HEATR4: variants seen among roughly 807,000 people sequenced by gnomAD.
The protein encoded by HEATR4 is HEAT repeat containing 4.
A neutral mutation model predicts 108.8 loss-of-function variants in HEATR4; 95 were observed. That is an observed-to-expected ratio of 0.87 (90% CI 0.74 to 1.04). The LOEUF is 1.04. Ranked by LOEUF, HEATR4 falls within the 50% of genes least tolerant of loss-of-function variation. The probability of loss-of-function intolerance (pLI) is 0.00; values close to 1 mark genes in which losing one functional copy is unlikely to be tolerated. For synonymous variants in HEATR4, 443 were observed against 459.4 expected (o/e 0.96, Z 0.46); for missense variants, 1,152 against 1,253.8 (o/e 0.92, Z 1.23).
intron 2 of HEATR4, among the ~76,000 whole-genome samples, chr14:73,528,057 A>G (rs909600662): frequency 2.0e-5 from 3 of 152,092 alleles, no homozygotes; most frequent in African/African-American, 7.2e-5. Context: ...TTACAATGCA[A>G]ACATCCCAGA....
chr14:73,587,777 T>C, the HEATR4 span, among the ~76,000 whole-genome samples: 1 of 152,188 alleles, frequency 6.6e-6, no homozygotes, highest in South Asian at 2.1e-4. Context: ...GGACCTCCCA[T>C]TCCCACTTGA....
At chr14:73,505,890 C>CTTTT (rs139879719) in intron 10 of HEATR4, among the ~76,000 whole-genome samples, 7 of 113,320 alleles carry the variant, frequency 6.2e-5, no homozygotes, top group Non-Finnish European at 1.1e-4. Flanking sequence ...ATAAACGTTT[C>CTTTT]TTTTTTTTTT....
intron 16 of HEATR4, chr14:73,493,402 C>G (rs528284683): frequency 2.2e-5 from 8 of 371,776 alleles, no homozygotes; most frequent in African/African-American, 1.7e-4. Context: ...GTTTCCCTTT[C>G]CTAAGGCTAG....
the HEATR4 span, chr14:73,573,273 G>C: frequency 6.9e-7 from 1 of 1,456,740 alleles, no homozygotes; most frequent in African/African-American, 1.4e-5. Flanking sequence ...CTCGTGGGTA[G>C]ATACCTAGGA....
At chr14:73,525,241 C>T (rs1888254542) in intron 2 of HEATR4, among the ~76,000 whole-genome samples, 1 of 152,018 alleles carries the variant, frequency 6.6e-6, no homozygotes, top group African/African-American at 2.4e-5. Context: ...ACTATGTTGC[C>T]CAGGCTGGTC....
At chr14:73,493,189 AG>A in intron 16 of HEATR4, 65 bp from the exon 17 acceptor site, 2 of 1,346,392 alleles carry the variant, frequency 1.5e-6, no homozygotes, top group South Asian at 2.4e-5. Flanking sequence ...TGATCATTTC[AG>A]AGCACCAACT....
chr14:73,632,106 A>G, the HEATR4 span: 4 of 151,640 alleles, frequency 2.6e-5, no homozygotes, highest in Non-Finnish European at 5.9e-5. Flanking sequence ...AATCCCTAAT[A>G]AAACTCAGTG....
chr14:73,506,379 G>A (rs1050476440), intron 10 of HEATR4, 88 bp downstream of exon 10: 31 of 859,112 alleles, frequency 3.6e-5, no homozygotes, highest in Admixed American at 1.1e-4. Context: ...GGTAAGAATG[G>A]AATAATACAT....
chr14:73,509,810 C>A lies in HEATR4; in HGVS notation c.1559-337G>T, dbSNP rs868773245. 3.5e-3 allele frequency among the ~76,000 whole-genome samples: 220 copies of A among 63,178 alleles called. 20 individuals are homozygous for A. Among genetic ancestry groups the A allele is most frequent in the Non-Finnish European group, 5.2e-3 (171 of 32,706 alleles). 41.4% of individuals were successfully genotyped at this position (63,178 alleles called of 152,430 possible). ...AAAGCAACCAATTTGCCCCATGAGC[C>A]CATATATATATATATATATATATAT... On this transcript the variant is annotated intron_variant, in intron 7 of 17. Transcript: ENST00000553558.
In HEATR4 at chr14:73,545,262, G is replaced by A. The variant is rs1380158978; in HGVS notation, c.-152+13489C>T. Among the ~76,000 whole-genome samples, 4 of 112,468 alleles carry A rather than the reference G, an allele frequency of 3.6e-5. 2 individuals are homozygous for A. The highest frequency in any genetic ancestry group is 3.8e-5 in the Non-Finnish European group (2 of 52,034). The allele number at this position is 112,468 out of a possible 152,430, so 73.8% of individuals were successfully genotyped here. A position where few individuals can be genotyped will look rare whatever the true frequency, so the allele number is the denominator to read the frequency against. ...TTTTGTACAGATGGGGTCTCCCAAT[G>A]TTGCCCAGGCTAGTCCTGAATTACT... On this transcript the variant is annotated intron_variant, in intron 1 of 17. Coordinates refer to ENST00000553558, the MANE Select transcript of HEATR4 (RefSeq NM_001220484.1).
the HEATR4 span, among the ~76,000 whole-genome samples, chr14:73,612,280 G>C: frequency 3.3e-5 from 5 of 152,280 alleles, no homozygotes; most frequent in South Asian, 1.0e-3. Flanking sequence ...CCTCAGGTGT[G>C]ATCCACCCAC....
At chr14:73,482,496 TGGGC>T (rs1222655422) in intron 17 of HEATR4, among the ~76,000 whole-genome samples, 7 of 152,036 alleles carry the variant, frequency 4.6e-5, no homozygotes, top group Non-Finnish European at 1.0e-4. Flanking sequence ...CACTCCAGTC[TGGGC>T]GACACAGCCA....
chr14:73,488,032 G>A (rs909508502), intron 17 of HEATR4, among the ~76,000 whole-genome samples: 1 of 152,182 alleles, frequency 6.6e-6, no homozygotes, highest in Non-Finnish European at 1.5e-5. Flanking sequence ...GGGCACCTAG[G>A]TAGATTTTGA....
In HEATR4 at chr14:73,544,155, G is replaced by A. The variant is rs1362898497; in HGVS notation, c.-151-13911C>T. Among the ~76,000 whole-genome samples, 3 of 114,226 alleles carry A rather than the reference G, an allele frequency of 2.6e-5. 1 individual carries two copies. In the Admixed American group the frequency reaches 3.0e-4, roughly 12 times the overall value. 74.9% of individuals were successfully genotyped at this position (114,226 alleles called of 152,430 possible). On this transcript the variant is annotated intron_variant, in intron 1 of 17. Transcript: ENST00000553558. ...TAAAAATACAAAAAATTAGCCGGGCGTGGTGGCGCATGCCTGTAGTCCCAG... is the reference window on the plus strand; with the variant it reads ...TAAAAATACAAAAAATTAGCCGGGCATGGTGGCGCATGCCTGTAGTCCCAG...
At chr14:73,591,828 C>A in the HEATR4 span, 3 of 877,630 alleles carry the variant, frequency 3.4e-6, no homozygotes, top group Non-Finnish European at 4.7e-6. Flanking sequence ...CAGGGGCTTT[C>A]TGGGACTGCT....
chr14:73,606,565 T>C, the HEATR4 span, among the ~76,000 whole-genome samples: 4 of 152,048 alleles, frequency 2.6e-5, no homozygotes, highest in African/African-American at 9.7e-5. Context: ...CAAAATCAGC[T>C]CTCTCTAGGA....
intron 7 of HEATR4, among the ~76,000 whole-genome samples, 157 bp downstream of exon 7, chr14:73,511,849 C>G (rs1162647067): frequency 6.6e-6 from 1 of 152,226 alleles, no homozygotes; most frequent in African/African-American, 2.4e-5. Context: ...AATCTCGTCT[C>G]TATTGCTGAT....
intron 17 of HEATR4, chr14:73,491,019 T>C (rs778796600): frequency 3.3e-6 from 5 of 1,499,850 alleles, no homozygotes; most frequent in South Asian, 1.3e-5. Flanking sequence ...GGTCTGGCCA[T>C]GGATGGGCTC....
chr14:73,565,951 G>A, the HEATR4 span, among the ~76,000 whole-genome samples: 3 of 151,948 alleles, frequency 2.0e-5, no homozygotes, highest in African/African-American at 7.2e-5. Flanking sequence ...CTGATTGGTA[G>A]AGCCCAGGGG....
Sources: gnomAD v4.1 joint callset for allele counts (sites outside exome capture counted in the v4.1 genomes callset) on GRCh38, gnomAD v4.1.1 for gene constraint, MANE v1.5 for transcripts, NCBI Gene and HGNC (gene_info 2026-07-23, HGNC 2026-07-21) for gene names.